Variants in MYH10 observed in about 807,000 individuals in gnomAD.
MYH10 encodes myosin-10.
Under a neutral mutation model 257.8 loss-of-function variants are expected in MYH10, and 55 were observed. That is an observed-to-expected ratio of 0.21 (90% CI 0.17 to 0.27). The LOEUF is 0.27. MYH10 is among the 10% of genes least tolerant of loss of function. The pLI, the probability that MYH10 is intolerant of heterozygous loss-of-function variation, is 1.00. For missense variants in MYH10, 1,631 were observed against 2,500.6 expected, an observed-to-expected ratio of 0.65 and a Z score of 7.42; for synonymous variants, 854 against 921.7, an observed-to-expected ratio of 0.93 and a Z score of 1.33.
chr17:8,560,886 T>C (rs750977726), intron 7 of MYH10: 3 of 527,310 alleles, frequency 5.7e-6, no homozygotes, highest in Non-Finnish European at 1.1e-5. Context: ...GTGAATATCA[T>C]GGAAGCCATG....
intron 17 of MYH10, among the ~76,000 whole-genome samples, chr17:8,524,693 C>T (rs1261011640): frequency 6.6e-6 from 1 of 152,120 alleles, no homozygotes; most frequent in Non-Finnish European, 1.5e-5. Context: ...TGCACTTCTC[C>T]CCCATTTCAT....
intron 30 of MYH10, among the ~76,000 whole-genome samples, chr17:8,496,082 GATTTA>G (rs1916573451): frequency 6.6e-6 from 1 of 152,184 alleles, no homozygotes; most frequent in East Asian, 1.9e-4. Context: ...CTTATGGTCA[GATTTA>G]ATTAATAATA....
At chr17:8,627,638 T>C (rs554607759) in intron 1 of MYH10, among the ~76,000 whole-genome samples, 5 of 152,212 alleles carry the variant, frequency 3.3e-5, no homozygotes, top group Non-Finnish European at 7.3e-5. Context: ...TCAAATACAT[T>C]TATTTCACTC....
At position 8,497,530 on chromosome 17, in the gene MYH10, G is replaced by C. The variant is rs556553407; in HGVS notation, c.3951+1740C>G. On this transcript the variant is annotated intron_variant, in intron 30 of 42. Coordinates refer to ENST00000360416, the MANE Select transcript of MYH10 (RefSeq NM_001256012.3). The stretch of plus-strand genomic sequence containing the variant: ...TGAGGCAGGCAGATCACGAGGTCAG[G>C]AGATCGAGACCATCCTGGCTAACAC... Among the ~76,000 whole-genome samples, 5 of 152,058 alleles carry C rather than the reference G, an allele frequency of 3.3e-5. No homozygotes were observed. The South Asian group carries it at 1.0e-3, about 32-fold the overall frequency.
At chr17:8,592,933 C>CCA (rs1555612260) in intron 3 of MYH10, among the ~76,000 whole-genome samples, 5,544 of 44,474 alleles carry the variant, frequency 0.12, 1,567 homozygotes, top group Middle Eastern at 0.26. Context: ...TCAAATCCAG[C>CCA]TATATATATA....
At chr17:8,608,234 A>C (rs2084887117) in intron 2 of MYH10, among the ~76,000 whole-genome samples, 1 of 152,230 alleles carries the variant, frequency 6.6e-6, no homozygotes, top group African/African-American at 2.4e-5. Context: ...ACAAAGTACA[A>C]ATCTGGCAGC....
chr17:8,554,291 T>G (rs2082722431), intron 7 of MYH10: 1 of 214,150 alleles, frequency 4.7e-6, no homozygotes, highest in African/African-American at 2.3e-5. Flanking sequence ...CAGAAGTTTT[T>G]AAAAGCTCTT....
At position 8,506,794 on chromosome 17, in the gene MYH10, C is replaced by G. The variant is rs914312363; in HGVS notation, c.3215-305G>C. Among the ~76,000 whole-genome samples, 2 of 152,186 alleles carry G rather than the reference C, an allele frequency of 1.3e-5. No individual in the cohort carries two copies. The highest frequency in any genetic ancestry group is 2.4e-5 in the African/African-American group (1 of 41,446). On this transcript the variant is annotated intron_variant, in intron 26 of 42. Coordinates refer to ENST00000360416, the MANE Select transcript of MYH10 (RefSeq NM_001256012.3). The surrounding 1 kb of genome is among the most constrained non-coding windows in gnomAD (Gnocchi z 5.0). ...GAAGGGAGCTGGAATCCTCTCATGT[C>G]AAACACATCACTGTACCCAGGTTTG...
chr17:8,548,763 T>C lies in MYH10; in HGVS notation c.944A>G (p.Asn315Ser), dbSNP rs1417469983. The change falls in exon 10 of 43, where the codon AAT becomes AGT. Residue 315 changes from asparagine to serine, a missense_variant. Physicochemically the swap from Asn to Ser is conservative, Grantham distance 46. This residue lies in a region of MYH10 where 360 missense variants were observed against 581.9 expected (regional missense o/e 0.62). Coordinates refer to ENST00000360416, the MANE Select transcript of MYH10 (RefSeq NM_001256012.3). ...GCCATTGGAGAGAAACCTGTAGTTATTAAATCCTTCAAGAAGCAAATCAGC... is the reference window on the plus strand; with the variant it reads ...GCCATTGGAGAGAAACCTGTAGTTACTAAATCCTTCAAGAAGCAAATCAGC... ...LKSDLLLEGF[N>S]NYRFLSNGYI... 6.2e-7 allele frequency: 1 copy of C among 1,612,420 alleles called. No individual in the cohort carries two copies. The highest frequency in any genetic ancestry group is 1.7e-5 in the Admixed American group (1 of 59,820).
At chr17:8,610,612 C>A (rs2085001694) in intron 2 of MYH10, among the ~76,000 whole-genome samples, 1 of 152,098 alleles carries the variant, frequency 6.6e-6, no homozygotes, top group African/African-American at 2.4e-5. Context: ...AATGAGGGCT[C>A]CACCTTCATC....
intron 34 of MYH10, among the ~76,000 whole-genome samples, chr17:8,491,875 A>C (rs1296262563): frequency 6.6e-6 from 1 of 152,192 alleles, no homozygotes; most frequent in Non-Finnish European, 1.5e-5. Flanking sequence ...CAAAGAAAAC[A>C]GTGGGGCCTC....
intron 7 of MYH10, chr17:8,561,436 A>T: frequency 1.8e-6 from 2 of 1,114,862 alleles, no homozygotes; most frequent in Non-Finnish European, 2.7e-6. Flanking sequence ...GCTGTGTGTG[A>T]AGCTACATTA....
At chr17:8,496,263 C>T (rs1267584768) in intron 30 of MYH10, among the ~76,000 whole-genome samples, 1 of 152,176 alleles carries the variant, frequency 6.6e-6, no homozygotes, top group Non-Finnish European at 1.5e-5. Context: ...TCACACCGGC[C>T]AAGGGAGAGT....
Position 8,474,801 on chromosome 17 carries a change from A to T in MYH10, c.*1003T>A, listed in dbSNP as rs1418164648. The T allele has an allele frequency of 6.5e-6, 1 of 152,780 alleles. No individual in the cohort carries two copies. The highest frequency in any genetic ancestry group is 1.5e-5 in the Non-Finnish European group (1 of 68,122). 9.5% of individuals were successfully genotyped at this position (152,780 alleles called of 1,614,324 possible). A position where few individuals can be genotyped will look rare whatever the true frequency, so the allele number is the denominator to read the frequency against. On this transcript the variant is annotated 3_prime_UTR_variant, in exon 43 of 43. Transcript: ENST00000360416. ...GAGTCACACCCACTGGCATGTCAAC[A>T]TTCAGGAAGATGGCATCTGTTCTGG...
chr17:8,525,447 C>T (rs1029763286), intron 17 of MYH10, among the ~76,000 whole-genome samples: 1 of 152,242 alleles, frequency 6.6e-6, no homozygotes, highest in Non-Finnish European at 1.5e-5. Context: ...ATCTCCCAGC[C>T]CCAGATGTTG....
intron 23 of MYH10, 41 bp downstream of exon 23, chr17:8,513,497 G>A (rs2081364708): frequency 1.2e-6 from 2 of 1,610,630 alleles, no homozygotes; most frequent in African/African-American, 2.7e-5. Flanking sequence ...ATCTCATAGG[G>A]ATTCAGGGCC....
chr17:8,507,510 C>A (rs1450032867), intron 26 of MYH10, among the ~76,000 whole-genome samples: 1 of 152,202 alleles, frequency 6.6e-6, no homozygotes, highest in African/African-American at 2.4e-5. Context: ...GTAGTGTCTT[C>A]TCTGTATCTG....
intron 3 of MYH10, among the ~76,000 whole-genome samples, chr17:8,603,323 G>A (rs1381262055): frequency 1.3e-5 from 2 of 152,190 alleles, no homozygotes; most frequent in Non-Finnish European, 2.9e-5. Context: ...GTCAACCTCA[G>A]TCATTAATCA....
chr17:8,600,802 T>C (rs1222562581), intron 3 of MYH10, among the ~76,000 whole-genome samples: 3 of 152,060 alleles, frequency 2.0e-5, no homozygotes, highest in Admixed American at 2.0e-4. Flanking sequence ...ACTAACCCTA[T>C]CTCCCAGTGC....
Sources: gnomAD v4.1 joint callset for allele counts (sites outside exome capture counted in the v4.1 genomes callset) on GRCh38, gnomAD v4.1.1 for gene constraint, gnomAD v4.1.1 regional missense constraint, Gnocchi (gnomAD v3.1) non-coding constraint, MANE v1.5 for transcripts, NCBI Gene and HGNC (gene_info 2026-07-23, HGNC 2026-07-21) for gene names.